SERF2: variants seen among roughly 807,000 people sequenced by gnomAD.
SERF2 encodes the protein small EDRK-rich factor 2.
Under a neutral mutation model 10.7 loss-of-function variants are expected in SERF2, and 4 were observed. The observed-to-expected ratio is 0.37, with a 90% confidence interval of 0.18 to 0.86. The LOEUF (loss-of-function observed/expected upper bound fraction) is 0.86, where lower values mean the gene tolerates loss of function less well. Ranked by LOEUF, SERF2 falls within the 40% of genes least tolerant of loss-of-function variation. SERF2 has a pLI of 0.43. For missense variants in SERF2, 47 were observed against 79.1 expected, an observed-to-expected ratio of 0.59 and a Z score of 1.54; for synonymous variants, 26 against 26.0, an observed-to-expected ratio of 1.00 and a Z score of 0.01.
upstream of SERF2, among the ~76,000 whole-genome samples, chr15:43,787,469 C>T (rs2087017467): frequency 6.6e-6 from 1 of 152,228 alleles, no homozygotes; most frequent in Admixed American, 6.5e-5. Context: ...GCGATTTCCG[C>T]TCACCGCAAC....
At chr15:43,792,509 C>A in intron 1 of SERF2, 126 bp downstream of exon 1, 2 of 1,559,758 alleles carry the variant, frequency 1.3e-6, no homozygotes, top group Non-Finnish European at 1.7e-6. Context: ...CGCTCTGTGG[C>A]CACCCTCACA....
At chr15:43,792,195 C>T, upstream of SERF2, 1 of 634,882 alleles carries the variant, frequency 1.6e-6, no homozygotes, top group Non-Finnish European at 2.8e-6. Flanking sequence ...CTTACCCACC[C>T]CGGCTCAAGC....
upstream of SERF2, chr15:43,792,108 T>G: frequency 4.1e-5 from 21 of 516,072 alleles, no homozygotes; most frequent in East Asian, 1.0e-4. Flanking sequence ...CCCGGCCTAG[T>G]TTCTCCAGGC....
At position 43,794,244 on chromosome 15, in the gene SERF2, A is replaced by G; in HGVS notation, c.*471A>G. On this transcript the variant is annotated 3_prime_UTR_variant, in exon 3 of 3. Transcript: ENST00000249786. ...CGGATATGCAGTAGAGGAATCCTCT[A>G]AGAACCATAGAGACTTCTTTTCTGT... The G allele has an allele frequency of 2.4e-6, 1 of 420,202 alleles. No homozygotes were observed. Among genetic ancestry groups the G allele is most frequent in the Non-Finnish European group, 4.3e-6 (1 of 234,708 alleles). 26.0% of individuals were successfully genotyped at this position (420,202 alleles called of 1,614,324 possible).
chr15:43,793,824 C>T lies in SERF2; in HGVS notation c.*51C>T, dbSNP rs755878719. The T allele has an allele frequency of 3.1e-6, 5 of 1,613,822 alleles. No homozygotes were observed. The East Asian group carries it at 8.9e-5, about 29-fold the overall frequency. ...TTGCCCTTCGCCTGTGTGCCTGGAG[C>T]CAGTCCCACCACGCTCGCGTTTCCT... On this transcript the variant is annotated 3_prime_UTR_variant, in exon 3 of 3. Transcript: ENST00000249786.
rs1214083244 is a variant in SERF2, at chr15:43,795,577, C to T, written c.*1804C>T. The T allele has an allele frequency of 6.2e-7, 1 of 1,613,442 alleles. No individual in the cohort carries two copies. The highest frequency in any genetic ancestry group is 1.1e-5 in the South Asian group (1 of 91,054). ...GAAATGGCTGCTGGGAGCAGAGCTG[C>T]TGAAACACCTCTTCCCCTCTCCCCC... On this transcript the variant is annotated 3_prime_UTR_variant, in exon 3 of 3. Transcript: ENST00000249786.
At chr15:43,784,611 G>T (rs894896116) in intron 1 of SERF2, among the ~76,000 whole-genome samples, 6 of 151,908 alleles carry the variant, frequency 3.9e-5, no homozygotes, top group African/African-American at 1.5e-4. Context: ...TGGGACTACA[G>T]GCACCCGCCA....
intron 2 of SERF2, among the ~76,000 whole-genome samples, chr15:43,786,380 A>T (rs550959169): frequency 7.0e-6 from 1 of 142,798 alleles, no homozygotes; most frequent in Non-Finnish European, 1.5e-5. Flanking sequence ...ATGCCACTGC[A>T]CTCCAGCCTG....
Position 43,794,596 on chromosome 15 carries a change from A to G in SERF2, c.*823A>G. 1 of 175,452 alleles carries G rather than the reference A, an allele frequency of 5.7e-6. No individual in the cohort carries two copies. The highest frequency in any genetic ancestry group is 1.2e-5 in the Non-Finnish European group (1 of 81,354). The allele number at this position is 175,452 out of a possible 1,614,324, so 10.9% of individuals were successfully genotyped here. On this transcript the variant is annotated 3_prime_UTR_variant, in exon 3 of 3. Coordinates refer to ENST00000249786, the MANE Select transcript of SERF2 (RefSeq NM_001018108.4). ...TTTGTTCTGTGGTTCTGGGCTTCTT[A>G]TATCCGTGTGCCCAGGGCTGAACTC...
At chr15:43,786,066 C>G (rs566300710) in intron 2 of SERF2, among the ~76,000 whole-genome samples, 1 of 151,910 alleles carries the variant, frequency 6.6e-6, no homozygotes, top group African/African-American at 2.4e-5. Context: ...GGACTGTTTT[C>G]TCCAACGCTT....
chr15:43,786,484 A>G (rs2087008726), intron 2 of SERF2, among the ~76,000 whole-genome samples: 1 of 151,850 alleles, frequency 6.6e-6, no homozygotes, highest in South Asian at 2.1e-4. Flanking sequence ...ACTTTAAGAT[A>G]ATCTGACTGG....
At chr15:43,779,638 C>T (rs1251982849) in intron 1 of SERF2, among the ~76,000 whole-genome samples, 3 of 151,882 alleles carry the variant, frequency 2.0e-5, no homozygotes, top group Admixed American at 6.6e-5. Flanking sequence ...ACTACAGGAG[C>T]GTGCCACCAT....
intron 1 of SERF2, chr15:43,792,759 C>T: frequency 1.4e-6 from 1 of 728,718 alleles, no homozygotes; most frequent in Non-Finnish European, 2.2e-6. Flanking sequence ...CAGCTGGCCC[C>T]TTGGGACCTC....
Position 43,793,065 on chromosome 15 carries a change from C to T in SERF2, c.98C>T (p.Ala33Val), listed in dbSNP as rs781349308. Residue 33 changes from alanine (A) to valine (V), a missense_variant, in exon 2 of 3, where the codon GCT (alanine) becomes GTT (valine). Transcript: ENST00000249786. ...AAGCGCCGAGATGACGGGCTTTCTG[C>T]TGCCGCCCGCAAGCAGAGGTAGCCC... ...KGKRRDDGLS[A>V]AARKQRDSEI... 1.2e-6 allele frequency: 2 copies of T among 1,611,338 alleles called. No individual in the cohort carries two copies. The highest frequency in any genetic ancestry group is 1.7e-6 in the Non-Finnish European group (2 of 1,177,686).
Position 43,792,391 on chromosome 15 carries a change from C to T in SERF2, c.7+8C>T. The T allele has an allele frequency of 6.2e-7, 1 of 1,613,930 alleles. No individual in the cohort carries two copies. The highest frequency in any genetic ancestry group is 8.5e-7 in the Non-Finnish European group (1 of 1,179,824). The stretch of plus-strand genomic sequence containing the variant: ...CTGCCGTCGCCATGACCCGTGAGCA[C>T]CGAGCCCCCTTCTCCTTGCCCTTTT... On this transcript the variant is annotated splice_region_variant and intron_variant, in intron 1 of 2. Coordinates refer to ENST00000249786, the MANE Select transcript of SERF2 (RefSeq NM_001018108.4).
At chr15:43,792,930 G>A in intron 1 of SERF2, 45 bp from the exon 2 acceptor site, 1 of 1,392,328 alleles carries the variant, frequency 7.2e-7, no homozygotes. Context: ...GCCGGTGTGT[G>A]GGCAGAGCGG....
Position 43,795,561 on chromosome 15 carries a change from G to C in SERF2, c.*1788G>C, listed in dbSNP as rs745858511. The C allele has an allele frequency of 1.9e-6, 3 of 1,614,034 alleles. No homozygotes were observed. In the Admixed American group the frequency reaches 5.0e-5, roughly 27 times the overall value. Reference sequence around the variant, plus strand: ...TTTGCCCTGGAGAGAGGAAATGGCTGCTGGGAGCAGAGCTGCTGAAACACC... The same window carrying C: ...TTTGCCCTGGAGAGAGGAAATGGCTCCTGGGAGCAGAGCTGCTGAAACACC... On this transcript the variant is annotated 3_prime_UTR_variant, in exon 3 of 3. Coordinates refer to ENST00000249786, the MANE Select transcript of SERF2 (RefSeq NM_001018108.4).
At chr15:43,792,076 C>CA (rs1485498211), upstream of SERF2, 2 of 518,472 alleles carry the variant, frequency 3.9e-6, no homozygotes, top group African/African-American at 1.9e-5. Flanking sequence ...CGCACCCCTC[C>CA]ACCCCCAACC....
Position 43,794,344 on chromosome 15 carries a change from T to C in SERF2, c.*571T>C, listed in dbSNP as rs574116395. The C allele has an allele frequency of 6.7e-5, 13 of 193,430 alleles. No individual in the cohort carries two copies. The highest frequency in any genetic ancestry group is 3.0e-4 in the African/African-American group (13 of 43,056). 12.0% of individuals were successfully genotyped at this position (193,430 alleles called of 1,614,324 possible). ...AAGAGTGAATGCTGCAAGATCTGTGTTTATGCCTCTTTTCCTCATTCTTCC... is the reference window on the plus strand; with the variant it reads ...AAGAGTGAATGCTGCAAGATCTGTGCTTATGCCTCTTTTCCTCATTCTTCC... On this transcript the variant is annotated 3_prime_UTR_variant, in exon 3 of 3. Transcript: ENST00000249786.
Sources: gnomAD v4.1 joint callset for allele counts (sites outside exome capture counted in the v4.1 genomes callset) on GRCh38, gnomAD v4.1.1 for gene constraint, MANE v1.5 for transcripts, NCBI Gene and HGNC (gene_info 2026-07-23, HGNC 2026-07-21) for gene names.